PCDHGA8: variants seen among roughly 807,000 people sequenced by gnomAD.
The protein encoded by PCDHGA8 is protocadherin gamma-A8.
A neutral mutation model predicts 59.2 loss-of-function variants in PCDHGA8; 45 were observed. That is an observed-to-expected ratio of 0.76 (90% CI 0.60 to 0.98). The LOEUF is 0.98. Among genes scored for constraint, PCDHGA8 ranks in the 50% least tolerant of loss-of-function variants. The pLI, the probability that PCDHGA8 is intolerant of heterozygous loss-of-function variation, is 0.00. For missense variants in PCDHGA8, 1,257 were observed against 1,196.2 expected, an observed-to-expected ratio of 1.05 and a Z score of -0.75; for synonymous variants, 531 against 519.0, an observed-to-expected ratio of 1.02 and a Z score of -0.32.
chr5:141,457,798 C>T (rs1233396158), intron 1 of PCDHGA8, among the ~76,000 whole-genome samples: 5 of 152,194 alleles, frequency 3.3e-5, no homozygotes, highest in African/African-American at 9.6e-5. Context: ...GTTATCCTCT[C>T]CTCTTGAGGT....
chr5:141,490,561 A>G lies in PCDHGA8; in HGVS notation c.2425-4246A>G. On this transcript the variant is annotated intron_variant, in intron 1 of 3. Coordinates refer to ENST00000398604, the MANE Select transcript of PCDHGA8 (RefSeq NM_032088.2). This position sits in a 1 kb window ranked among gnomAD's most constrained non-coding sequence, Gnocchi z 5.4. Reference sequence around the variant, plus strand: ...TTCCCTACACAAACATCTCACCATCAGGCTCAACATTTCAGATGTCAATGA... The same window carrying G: ...TTCCCTACACAAACATCTCACCATCGGGCTCAACATTTCAGATGTCAATGA... 6.2e-7 allele frequency: 1 copy of G among 1,614,090 alleles called. No individual in the cohort carries two copies. The highest frequency in any genetic ancestry group is 8.5e-7 in the Non-Finnish European group (1 of 1,180,004).
In PCDHGA8 at chr5:141,490,670, C is replaced by A. The variant is rs1003577285; in HGVS notation, c.2425-4137C>A. ...CCGGGCTCCCTTCTTTGCACTGTGG[C>A]TGCCTCAGATCCAGACACTGGGGAT... On this transcript the variant is annotated intron_variant, in intron 1 of 3. Coordinates refer to ENST00000398604, the MANE Select transcript of PCDHGA8 (RefSeq NM_032088.2). This position sits in a 1 kb window ranked among gnomAD's most constrained non-coding sequence, Gnocchi z 5.4. 4 of 1,614,194 alleles carry A rather than the reference C, an allele frequency of 2.5e-6. No homozygotes were observed. The highest frequency in any genetic ancestry group is 3.4e-6 in the Non-Finnish European group (4 of 1,179,986).
chr5:141,472,564 A>G (rs1471933375), intron 1 of PCDHGA8, among the ~76,000 whole-genome samples: 6 of 152,050 alleles, frequency 3.9e-5, no homozygotes, highest in Admixed American at 2.6e-4. Context: ...TATATTATAA[A>G]TGCTGCATCT....
At chr5:141,404,815 G>A in intron 1 of PCDHGA8, 2 of 1,610,532 alleles carry the variant, frequency 1.2e-6, no homozygotes, top group South Asian at 1.1e-5. Flanking sequence ...CGGTGGGGCT[G>A]CACACAGGTG....
rs144804989 is a variant in PCDHGA8 at position 141,489,791 on chromosome 5, C to T, written c.2425-5016C>T. 1.9e-6 allele frequency: 3 copies of T among 1,614,056 alleles called. No individual in the cohort carries two copies. Among genetic ancestry groups the T allele is most frequent in the Admixed American group, 1.7e-5 (1 of 60,010 alleles). Reference sequence around the variant, plus strand: ...AGCCACTTCTCTCTGAATGTGAAGACCCTAAAAGATGGGAAGCCATTCCCA... The same window carrying T: ...AGCCACTTCTCTCTGAATGTGAAGATCCTAAAAGATGGGAAGCCATTCCCA... On this transcript the variant is annotated intron_variant, in intron 1 of 3. Transcript: ENST00000398604. This position sits in a 1 kb window ranked among gnomAD's most constrained non-coding sequence, Gnocchi z 4.5.
At chr5:141,501,866 C>T (rs1193396289) in intron 2 of PCDHGA8, among the ~76,000 whole-genome samples, 4 of 152,108 alleles carry the variant, frequency 2.6e-5, no homozygotes, top group South Asian at 2.1e-4. Context: ...TTTCCCAGGA[C>T]GCCTCCTTAC....
At chr5:141,467,920 A>G (rs1244280087) in intron 1 of PCDHGA8, among the ~76,000 whole-genome samples, 1 of 152,124 alleles carries the variant, frequency 6.6e-6, no homozygotes, top group Non-Finnish European at 1.5e-5. Flanking sequence ...CAGCCTCCCA[A>G]AATGCTAGGA....
intron 1 of PCDHGA8, chr5:141,399,459 C>A (rs897098728): frequency 6.2e-7 from 1 of 1,614,012 alleles, no homozygotes; most frequent in African/African-American, 1.3e-5. Flanking sequence ...TCAACGATAA[C>A]GCTCCGGTTT....
At chr5:141,422,281 T>C in intron 1 of PCDHGA8, 1 of 1,557,044 alleles carries the variant, frequency 6.4e-7, no homozygotes, top group Middle Eastern at 1.7e-4. Context: ...AACTATCACC[T>C]CTTCTATTAA....
rs2099713635 is a variant in PCDHGA8, at chr5:141,491,418, T to C, written c.2425-3389T>C. The C allele has an allele frequency of 6.2e-7, 1 of 1,613,796 alleles. No individual in the cohort carries two copies. Among genetic ancestry groups the C allele is most frequent in the Non-Finnish European group, 8.5e-7 (1 of 1,179,944 alleles). On this transcript the variant is annotated intron_variant, in intron 1 of 3. Transcript: ENST00000398604. The surrounding 1 kb of genome is among the most constrained non-coding windows in gnomAD (Gnocchi z 6.9). The stretch of plus-strand genomic sequence containing the variant: ...AGGGAAACGCAGACGGGGACGGGGG[T>C]GGAGGGCAGTGCTGCAGGCGCCAGG...
chr5:141,484,266 T>G (rs2099593967), intron 1 of PCDHGA8, among the ~76,000 whole-genome samples: 1 of 152,220 alleles, frequency 6.6e-6, no homozygotes, highest in Non-Finnish European at 1.5e-5. Flanking sequence ...ACACTGATTC[T>G]TTACTGTTTT....
At chr5:141,402,682 T>A (rs1012328239) in intron 1 of PCDHGA8, among the ~76,000 whole-genome samples, 1 of 152,138 alleles carries the variant, frequency 6.6e-6, no homozygotes, top group East Asian at 1.9e-4. Context: ...CCATCTGATA[T>A]AATGTTACAC....
chr5:141,438,526 G>A (rs188552043), intron 1 of PCDHGA8, among the ~76,000 whole-genome samples: 11 of 143,330 alleles, frequency 7.7e-5, no homozygotes, highest in Non-Finnish European at 1.5e-4. Flanking sequence ...ATTTTACATG[G>A]ACTTTTCCTC....
At chr5:141,416,687 A>G (rs1283053610) in intron 1 of PCDHGA8, 1 of 152,270 alleles carries the variant, frequency 6.6e-6, no homozygotes, top group Non-Finnish European at 1.5e-5. Flanking sequence ...GGGAAATTAT[A>G]TAAACAAAGG....
At chr5:141,508,841 C>G (rs969875150) in intron 3 of PCDHGA8, among the ~76,000 whole-genome samples, 1 of 152,140 alleles carries the variant, frequency 6.6e-6, no homozygotes, top group Admixed American at 6.5e-5. Flanking sequence ...TCCCCTACCC[C>G]TTCCATTCCC....
At position 141,431,954 on chromosome 5, in the gene PCDHGA8, G is replaced by A. The variant is rs912037044; in HGVS notation, c.2424+36717G>A. 6.2e-7 allele frequency: 1 copy of A among 1,613,992 alleles called. No individual in the cohort carries two copies. Among genetic ancestry groups the A allele is most frequent in the African/African-American group, 1.3e-5 (1 of 74,896 alleles). ...GCCCTTTAAATTAGAAAAATCTTAC[G>A]GAAATTACTATAGTTTAGTCACAGA... is the stretch of plus-strand genomic sequence containing the variant. On this transcript the variant is annotated intron_variant, in intron 1 of 3. Coordinates refer to ENST00000398604, the MANE Select transcript of PCDHGA8 (RefSeq NM_032088.2). This position sits in a 1 kb window ranked among gnomAD's most constrained non-coding sequence, Gnocchi z 4.8.
At position 141,489,385 on chromosome 5, in the gene PCDHGA8, G is replaced by C. The variant is rs893348832; in HGVS notation, c.2425-5422G>C. The stretch of plus-strand genomic sequence containing the variant: ...GCCGGGGACGCTGGTGGGGAATGTT[G>C]CTCAGGATCTGGGCTTAAAGATGAC... On this transcript the variant is annotated intron_variant, in intron 1 of 3. Transcript: ENST00000398604. This position sits in a 1 kb window ranked among gnomAD's most constrained non-coding sequence, Gnocchi z 4.5. The C allele has an allele frequency of 6.2e-7, 1 of 1,613,924 alleles. No individual in the cohort carries two copies. Among genetic ancestry groups the C allele is most frequent in the Non-Finnish European group, 8.5e-7 (1 of 1,179,896 alleles).
chr5:141,403,109 G>T, intron 1 of PCDHGA8: 2 of 1,614,074 alleles, frequency 1.2e-6, no homozygotes, highest in Non-Finnish European at 1.7e-6. Flanking sequence ...CAAGGACCTG[G>T]CTCTGGAGCC....
intron 1 of PCDHGA8, chr5:141,409,784 T>G: frequency 3.1e-6 from 5 of 1,612,248 alleles, no homozygotes; most frequent in Non-Finnish European, 4.2e-6. Flanking sequence ...GCTGCGCGCC[T>G]TCGCGCTCAC....
Sources: gnomAD v4.1 joint callset for allele counts (sites outside exome capture counted in the v4.1 genomes callset) on GRCh38, gnomAD v4.1.1 for gene constraint, Gnocchi (gnomAD v3.1) non-coding constraint, MANE v1.5 for transcripts, NCBI Gene and HGNC (gene_info 2026-07-23, HGNC 2026-07-21) for gene names.